Variants in PTPRG observed in about 807,000 individuals in gnomAD.
The protein encoded by PTPRG is protein tyrosine phosphatase receptor type G, also known as receptor-type tyrosine-protein phosphatase gamma.
In PTPRG, 102 loss-of-function variants were observed where a neutral mutation model predicts 165.3. The observed-to-expected ratio is 0.62, with a 90% CI of 0.53 to 0.73. The LOEUF is 0.73. Ranked by LOEUF, PTPRG falls within the 30% of genes least tolerant of loss-of-function variation. PTPRG has a pLI of 0.00. For synonymous variants in PTPRG, 675 were observed against 669.5 expected, an observed-to-expected ratio of 1.01 and a Z score of -0.13; for missense variants, 1,866 against 1,861.4, an observed-to-expected ratio of 1.00 and a Z score of -0.05.
intron 4 of PTPRG, among the ~76,000 whole-genome samples, chr3:62,026,915 A>G (rs1458646965): frequency 6.7e-6 from 1 of 149,894 alleles, no homozygotes; most frequent in Non-Finnish European, 1.5e-5. Context: ...AATTCTGCTT[A>G]GATTGTTGTG....
chr3:62,156,960 T>A (rs1399696198), intron 6 of PTPRG, 107 bp from the exon 7 acceptor site: 2 of 1,009,596 alleles, frequency 2.0e-6, no homozygotes, highest in Non-Finnish European at 3.0e-6. Context: ...TAAACAAACA[T>A]AAGGCTTGCG....
chr3:62,292,754 T>C, intron 29 of PTPRG, 198 bp downstream of exon 29: 1 of 607,782 alleles, frequency 1.6e-6, no homozygotes, highest in Non-Finnish European at 2.8e-6. Flanking sequence ...CTAAGCAAAC[T>C]ACACAGCACA....
At chr3:62,111,628 TA>T (rs1702669048) in intron 5 of PTPRG, among the ~76,000 whole-genome samples, 1 of 152,122 alleles carries the variant, frequency 6.6e-6, no homozygotes, top group African/African-American at 2.4e-5. Flanking sequence ...TTCAAATTTT[TA>T]GTAGGAACAG....
At chr3:61,952,854 C>T (rs2039932440) in intron 2 of PTPRG, among the ~76,000 whole-genome samples, 1 of 152,168 alleles carries the variant, frequency 6.6e-6, no homozygotes, top group African/African-American at 2.4e-5. Flanking sequence ...AAATAGTAAT[C>T]TCTTGCCTTC....
Position 61,748,981 on chromosome 3 carries a change from TG to T in PTPRG, c.190+1del. On this transcript the variant is annotated frameshift_variant and splice_region_variant, in exon 2 of 30. Coordinates refer to ENST00000474889, the MANE Select transcript of PTPRG (RefSeq NM_002841.4). LOFTEE classifies it high-confidence loss of function. ...ASGDPYWAYS[G>X]AYGPEHWVTS... ...CAGGCGACCCGTACTGGGCCTACTC[TG>T]GTAAGTCCAGTTGTTCTAATGGAGA... 1 of 1,609,580 alleles carries T rather than the reference TG, an allele frequency of 6.2e-7. No individual in the cohort carries two copies. The highest frequency in any genetic ancestry group is 1.3e-5 in the African/African-American group (1 of 74,940).
rs79179997 is a variant in PTPRG, at chr3:61,987,999, G to A, written c.191-1626G>A. 1.2e-3 allele frequency among the ~76,000 whole-genome samples: 186 copies of A among 152,302 alleles called. 3 individuals are homozygous for A. The East Asian group carries it at 0.029, about 24-fold the overall frequency. ...GACAAAGAGGTAAAAAAATACATGA[G>A]TGAAAAGCCTATGACAGTTGTAATC... is the stretch of plus-strand genomic sequence containing the variant. On this transcript the variant is annotated intron_variant, in intron 2 of 29. Coordinates refer to ENST00000474889, the MANE Select transcript of PTPRG (RefSeq NM_002841.4).
chr3:61,899,796 A>T (rs1276189955), intron 2 of PTPRG, among the ~76,000 whole-genome samples: 2 of 152,184 alleles, frequency 1.3e-5, no homozygotes, highest in African/African-American at 4.8e-5. Flanking sequence ...TGTCAGTGGG[A>T]TTCATCGGGA....
intron 20 of PTPRG, among the ~76,000 whole-genome samples, chr3:62,270,164 G>T (rs1383704349): frequency 1.3e-5 from 2 of 151,962 alleles, no homozygotes; most frequent in African/African-American, 4.8e-5. Context: ...CTTAGGTATG[G>T]CAGTTGTTTG....
At chr3:62,115,185 CCAGA>C (rs1474985804) in intron 5 of PTPRG, among the ~76,000 whole-genome samples, 4 of 152,270 alleles carry the variant, frequency 2.6e-5, no homozygotes, top group South Asian at 4.1e-4. Context: ...TGACTACCAA[CCAGA>C]CAGAGTTTTA....
At chr3:62,292,721 G>C in intron 29 of PTPRG, 165 bp downstream of exon 29, 1 of 706,272 alleles carries the variant, frequency 1.4e-6, no homozygotes, top group East Asian at 2.7e-5. Context: ...ATGGCATCTA[G>C]AGGATACAAG....
chr3:61,629,760 G>C (rs1393035244), intron 1 of PTPRG, among the ~76,000 whole-genome samples: 1 of 152,154 alleles, frequency 6.6e-6, no homozygotes, highest in Non-Finnish European at 1.5e-5. Context: ...AGATTCTTTA[G>C]AAAGCCTATG....
At chr3:62,101,785 A>C (rs999367482) in intron 5 of PTPRG, among the ~76,000 whole-genome samples, 1 of 152,370 alleles carries the variant, frequency 6.6e-6, no homozygotes, top group South Asian at 2.1e-4. Flanking sequence ...CACATAGAGC[A>C]AAAATAATGA....
intron 4 of PTPRG, among the ~76,000 whole-genome samples, chr3:62,045,249 A>G (rs1221867039): frequency 6.6e-6 from 1 of 152,192 alleles, no homozygotes; most frequent in Non-Finnish European, 1.5e-5. Context: ...TTATTTATGC[A>G]GTGTTTATCT....
intron 4 of PTPRG, among the ~76,000 whole-genome samples, chr3:62,004,174 CCA>C: frequency 6.6e-6 from 1 of 152,252 alleles, no homozygotes; most frequent in South Asian, 2.1e-4. Context: ...TCTTCCAATG[CCA>C]ACCTTATATA....
chr3:61,831,427 ACCTTTTGTT>A (rs2036291104), intron 2 of PTPRG, among the ~76,000 whole-genome samples: 1 of 152,190 alleles, frequency 6.6e-6, no homozygotes, highest in African/African-American at 2.4e-5. Flanking sequence ...CACAGGAAGG[ACCTTTTGTT>A]CCATTTTAAA....
At chr3:61,844,347 G>A (rs2036743656) in intron 2 of PTPRG, among the ~76,000 whole-genome samples, 1 of 152,176 alleles carries the variant, frequency 6.6e-6, no homozygotes, top group African/African-American at 2.4e-5. Context: ...TAAAATACAG[G>A]ATGCCCACTT....
At chr3:61,885,029 G>T (rs973254657) in intron 2 of PTPRG, among the ~76,000 whole-genome samples, 1 of 151,368 alleles carries the variant, frequency 6.6e-6, no homozygotes, top group African/African-American at 2.4e-5. Flanking sequence ...AAATAATCTT[G>T]ATGTGTGGTG....
intron 1 of PTPRG, among the ~76,000 whole-genome samples, chr3:61,569,928 A>G (rs1391334443): frequency 6.6e-6 from 1 of 152,210 alleles, no homozygotes; most frequent in African/African-American, 2.4e-5. Context: ...AAAGTGGGAA[A>G]AATGCTTTCT....
chr3:62,076,994 A>T (rs1701410260), intron 4 of PTPRG, among the ~76,000 whole-genome samples: 1 of 152,228 alleles, frequency 6.6e-6, no homozygotes, highest in Admixed American at 6.5e-5. Context: ...AGTCAGGCCC[A>T]GTGGCTCACA....
Sources: gnomAD v4.1 joint callset for allele counts (sites outside exome capture counted in the v4.1 genomes callset) on GRCh38, gnomAD v4.1.1 for gene constraint, MANE v1.5 for transcripts, NCBI Gene and HGNC (gene_info 2026-07-23, HGNC 2026-07-21) for gene names.